The following CARMIL3 variants were observed in gnomAD, a reference collection of about 807,000 sequenced individuals.
CARMIL3 encodes capping protein regulator and myosin 1 linker 3, also known as capping protein, Arp2/3 and myosin-I linker protein 3.
Under a neutral mutation model 180.8 loss-of-function variants are expected in CARMIL3, and 88 were observed. That is an observed-to-expected ratio of 0.49 (90% CI 0.41 to 0.58). CARMIL3 has a LOEUF of 0.58. Ranked by LOEUF, CARMIL3 falls within the 20% of genes least tolerant of loss-of-function variation. The probability of loss-of-function intolerance (pLI) is 0.00; values close to 1 mark genes in which losing one functional copy is unlikely to be tolerated. For missense variants in CARMIL3, 1,548 were observed against 1,787.0 expected, an observed-to-expected ratio of 0.87 and a Z score of 2.41; for synonymous variants, 696 against 714.5, an observed-to-expected ratio of 0.97 and a Z score of 0.41.
chr14:24,062,810 TGAG>T lies in CARMIL3; in HGVS notation c.2674_2676del (p.Glu892del). On this transcript the variant is annotated inframe_deletion, in exon 29 of 40. Coordinates refer to ENST00000342740, the MANE Select transcript of CARMIL3 (RefSeq NM_138360.4). ...GGGGCCGAGGCCGGAACCATGACCA[TGAG>T]GAGACCACAGATGATGAACTTGGGA... 1 of 1,613,214 alleles carries T rather than the reference TGAG, an allele frequency of 6.2e-7. No individual in the cohort carries two copies. The highest frequency in any genetic ancestry group is 8.5e-7 in the Non-Finnish European group (1 of 1,179,630).
chr14:24,069,365 T>C lies in CARMIL3; in HGVS notation c.4094-14T>C. On this transcript the variant is annotated splice_polypyrimidine_tract_variant and intron_variant, in intron 39 of 39. Transcript: ENST00000342740. Reference sequence around the variant, plus strand: ...TGCCCAGGAAACAGGGCTCCCTGGATTTGTCCCCAGCAGGAACCAGTGAGC... The same window carrying C: ...TGCCCAGGAAACAGGGCTCCCTGGACTTGTCCCCAGCAGGAACCAGTGAGC... 9 of 1,614,060 alleles carry C rather than the reference T, an allele frequency of 5.6e-6. No homozygotes were observed. The highest frequency in any genetic ancestry group is 7.6e-6 in the Non-Finnish European group (9 of 1,180,002).
chr14:24,054,591 C>A lies in CARMIL3; in HGVS notation c.362+80C>A. ...CCTTCCTCCTTCCCCTGGGCCAGGG[C>A]TGAGAAGGAGAGCTCTCATGTCCCC... On this transcript the variant is annotated intron_variant, in intron 5 of 39. Transcript: ENST00000342740. This position sits in a 1 kb window ranked among gnomAD's most constrained non-coding sequence, Gnocchi z 5.1. The A allele has an allele frequency of 6.6e-7, 1 of 1,517,562 alleles. No individual in the cohort carries two copies. 94.0% of individuals were successfully genotyped at this position (1,517,562 alleles called of 1,614,324 possible). A position where few individuals can be genotyped will look rare whatever the true frequency, so the allele number is the denominator to read the frequency against.
In CARMIL3 at chr14:24,060,535, T is replaced by TCGGCACCTCCACCA. The variant is rs910057448; in HGVS notation, c.2062-90_2062-89insCACCTCCACCACGG. The TCGGCACCTCCACCA allele has an allele frequency of 2.6e-6, 4 of 1,528,258 alleles. No homozygotes were observed. In the African/African-American group the frequency reaches 5.5e-5, roughly 21 times the overall value. 94.7% of individuals were successfully genotyped at this position (1,528,258 alleles called of 1,614,324 possible). On this transcript the variant is annotated intron_variant, in intron 24 of 39. Coordinates refer to ENST00000342740, the MANE Select transcript of CARMIL3 (RefSeq NM_138360.4). ...GCCAGAGACATCACCTCCACCACTG[T>TCGGCACCTCCACCA]CGGTGCCAGCACCAGTAGCACTGTC...
At position 24,056,978 on chromosome 14, in the gene CARMIL3, T is replaced by C. The variant is rs200000621; in HGVS notation, c.1016T>C (p.Leu339Pro). ...GCATTTGCCAGCTCCCTTCGATACCTGGACCTGAGCAAGAATCCTGGGCTC... is the reference window on the plus strand; with the variant it reads ...GCATTTGCCAGCTCCCTTCGATACCCGGACCTGAGCAAGAATCCTGGGCTC... ...NPAFASSLRYLDLSKNPGLLA... is the reference protein window; with the variant it reads ...NPAFASSLRYPDLSKNPGLLA... Residue 339 changes from leucine to proline, a missense_variant, in exon 13 of 40, where the codon CTG (leucine) becomes CCG (proline). By Grantham distance (98) the Leu-to-Pro change is moderately conservative. Transcript: ENST00000342740. The C allele has an allele frequency of 1.2e-6, 2 of 1,614,022 alleles. No homozygotes were observed. The highest frequency in any genetic ancestry group is 1.7e-5 in the Admixed American group (1 of 59,994).
chr14:24,061,910 T>C lies in CARMIL3; in HGVS notation c.2480+238T>C, dbSNP rs376999106. ...GTGCCCACACAGGTGTACACACACA[T>C]ACCCACACAAATACACCAGGAATGG... is the stretch of plus-strand genomic sequence containing the variant. On this transcript the variant is annotated intron_variant, in intron 27 of 39. Coordinates refer to ENST00000342740, the MANE Select transcript of CARMIL3 (RefSeq NM_138360.4). The surrounding 1 kb of genome is among the most constrained non-coding windows in gnomAD (Gnocchi z 4.1). 1.4e-5 allele frequency: 7 copies of C among 495,146 alleles called. No homozygotes were observed. The highest frequency in any genetic ancestry group is 1.4e-4 in the African/African-American group (7 of 51,336). The allele number at this position is 495,146 out of a possible 1,614,324, so 30.7% of individuals were successfully genotyped here.
At chr14:24,063,575 T>C (rs774144037) in intron 31 of CARMIL3, 42 bp downstream of exon 31, 2 of 1,556,970 alleles carry the variant, frequency 1.3e-6, no homozygotes, top group South Asian at 1.2e-5. Context: ...CTTCACTCAG[T>C]GACACCAGAG....
In CARMIL3 at chr14:24,062,470, G is replaced by A. The variant is rs200726284; in HGVS notation, c.2481-10G>A. The A allele has an allele frequency of 1.2e-6, 2 of 1,613,610 alleles. No individual in the cohort carries two copies. The highest frequency in any genetic ancestry group is 1.3e-5 in the African/African-American group (1 of 75,028). On this transcript the variant is annotated splice_polypyrimidine_tract_variant and intron_variant, in intron 27 of 39. Transcript: ENST00000342740. ...GCTAATGTTCTGAGTAGCCCCACCT[G>A]TGCCCACAGTGAAGTGAAGCTCTCA...
Position 24,061,469 on chromosome 14 carries a change from C to T in CARMIL3, c.2305-28C>T. 6.2e-7 allele frequency: 1 copy of T among 1,601,190 alleles called. No individual in the cohort carries two copies. The highest frequency in any genetic ancestry group is 8.5e-7 in the Non-Finnish European group (1 of 1,172,910). On this transcript the variant is annotated intron_variant, in intron 26 of 39. Transcript: ENST00000342740. This position sits in a 1 kb window ranked among gnomAD's most constrained non-coding sequence, Gnocchi z 4.1. ...CAGCCCTGATCCTGTCCCCCTTGGG[C>T]CTCTGGCCTCCCTTTCCCCCATACT...
Position 24,062,840 on chromosome 14 carries a change from C to T in CARMIL3, c.2700C>T (p.Thr900=), listed in dbSNP as rs1260046719. 1.9e-6 allele frequency: 3 copies of T among 1,607,146 alleles called. No homozygotes were observed. The African/African-American group carries it at 4.0e-5, about 22-fold the overall frequency. The change falls in exon 29 of 40, where the codon ACC becomes ACT. Residue 900 remains threonine (T), a synonymous_variant. Coordinates refer to ENST00000342740, the MANE Select transcript of CARMIL3 (RefSeq NM_138360.4). ...HEETTDDELG[T]NIDTMAIKKQ... ...AGACCACAGATGATGAACTTGGGACCAACATTGTGAGCCCCCCGCTCCCTG... is the reference window on the plus strand; with the variant it reads ...AGACCACAGATGATGAACTTGGGACTAACATTGTGAGCCCCCCGCTCCCTG...
Position 24,069,534 on chromosome 14 carries a change from G to C in CARMIL3, c.*130G>C. 1 of 1,234,854 alleles carries C rather than the reference G, an allele frequency of 8.1e-7. No individual in the cohort carries two copies. The highest frequency in any genetic ancestry group is 1.4e-5 in the South Asian group (1 of 73,398). 76.5% of individuals were successfully genotyped at this position (1,234,854 alleles called of 1,614,324 possible). On this transcript the variant is annotated 3_prime_UTR_variant, in exon 40 of 40. Transcript: ENST00000342740. Reference sequence around the variant, plus strand: ...GGGGCAAGACGGCAGGACCAGGCATGGGGGAGCTGGAGGCAGGGACTAGAA... The same window carrying C: ...GGGGCAAGACGGCAGGACCAGGCATCGGGGAGCTGGAGGCAGGGACTAGAA...
rs1380971308 is a variant in CARMIL3 at position 24,061,961 on chromosome 14, G to A, written c.2480+289G>A. The A allele has an allele frequency of 2.6e-6, 1 of 387,286 alleles. No individual in the cohort carries two copies. Among genetic ancestry groups the A allele is most frequent in the Non-Finnish European group, 4.7e-6 (1 of 214,272 alleles). The allele number at this position is 387,286 out of a possible 1,614,324, so 24.0% of individuals were successfully genotyped here. On this transcript the variant is annotated intron_variant, in intron 27 of 39. Transcript: ENST00000342740. This position sits in a 1 kb window ranked among gnomAD's most constrained non-coding sequence, Gnocchi z 4.1. ...GATAGCAGGGCCTCCTCGGAGGCAT[G>A]GACAAAGAAAAGTACCTGAGTTGGG... is the stretch of plus-strand genomic sequence containing the variant.
chr14:24,055,683 AC>A lies in CARMIL3; in HGVS notation c.682-12del. On this transcript the variant is annotated splice_polypyrimidine_tract_variant and intron_variant, in intron 9 of 39. Transcript: ENST00000342740. ...GCCCCCCTTGGCCCCTGATCACAAG[AC>A]CCCCCTCTGTCCTCAGGGCTCTGAA... 1 of 1,613,274 alleles carries A rather than the reference AC, an allele frequency of 6.2e-7. No individual in the cohort carries two copies. Among genetic ancestry groups the A allele is most frequent in the Non-Finnish European group, 8.5e-7 (1 of 1,179,740 alleles).
At position 24,059,807 on chromosome 14, in the gene CARMIL3, G is replaced by A; in HGVS notation, c.1868+75G>A. The A allele has an allele frequency of 6.4e-7, 1 of 1,562,310 alleles. No homozygotes were observed. ...CCTGGATCAGGCCTGAACTACTCTT[G>A]CCCCACCCTAGCCCCTTTGACCTAT... On this transcript the variant is annotated intron_variant, in intron 22 of 39. Transcript: ENST00000342740. This position sits in a 1 kb window ranked among gnomAD's most constrained non-coding sequence, Gnocchi z 6.3.
chr14:24,063,432 G>A lies in CARMIL3; in HGVS notation c.2878G>A (p.Gly960Ser). The A allele has an allele frequency of 6.2e-7, 1 of 1,613,914 alleles. No homozygotes were observed. Among genetic ancestry groups the A allele is most frequent in the East Asian group, 2.2e-5 (1 of 44,868 alleles). ...GCCCACAGCTAGTGGCTCCTGGGAAGGTCTATCTGAGCTGCCCACTCATGG... is the reference window on the plus strand; with the variant it reads ...GCCCACAGCTAGTGGCTCCTGGGAAAGTCTATCTGAGCTGCCCACTCATGG... ...SQPTASGSWE[G>S]LSELPTHGYK... The change falls in exon 31 of 40, where the codon GGT becomes AGT. Residue 960 changes from glycine to serine, a missense_variant. Transcript: ENST00000342740.
rs374935836 is a variant in CARMIL3 at position 24,056,399 on chromosome 14, C to A, written c.865+6C>A. The A allele has an allele frequency of 1.9e-6, 3 of 1,610,858 alleles. No individual in the cohort carries two copies. The African/African-American group carries it at 4.0e-5, about 22-fold the overall frequency. ...CAACCCCATCGAGGACAAGGGTGAG[C>A]CCCAGCCCTGAATCCTGTCCCCATC... On this transcript the variant is annotated splice_donor_region_variant and intron_variant, in intron 11 of 39. Coordinates refer to ENST00000342740, the MANE Select transcript of CARMIL3 (RefSeq NM_138360.4).
At position 24,065,246 on chromosome 14, in the gene CARMIL3, C is replaced by A; in HGVS notation, c.3369C>A (p.Gly1123=). The change falls in exon 33 of 40, where the codon GGC becomes GGA. Residue 1123 remains glycine (G), a synonymous_variant. Transcript: ENST00000342740. ...ESSLLPGFGG[G]RGPSFRRKMG... ...GCCTCCTCCCTGGATTTGGTGGGGG[C>A]CGGGGACCTTCCTTCCGCCGGAAGA... 1.3e-6 allele frequency: 2 copies of A among 1,544,776 alleles called. No homozygotes were observed. The highest frequency in any genetic ancestry group is 2.0e-4 in the Middle Eastern group (1 of 5,036).
rs948600044 is a variant in CARMIL3 at position 24,053,881 on chromosome 14, G to A, written c.135+78G>A. ...GCCAGTAGAGGGCAGGGAGCCGGGA[G>A]GACAGAAGAGACAGAAGTGGGTGGA... is the stretch of plus-strand genomic sequence containing the variant. On this transcript the variant is annotated intron_variant, in intron 2 of 39. Coordinates refer to ENST00000342740, the MANE Select transcript of CARMIL3 (RefSeq NM_138360.4). The A allele has an allele frequency of 2.5e-5, 33 of 1,338,038 alleles. No homozygotes were observed. In the Admixed American group the frequency reaches 6.5e-4, roughly 26 times the overall value. The allele number at this position is 1,338,038 out of a possible 1,614,324, so 82.9% of individuals were successfully genotyped here.
In CARMIL3 at chr14:24,069,265, G is replaced by A. The variant is rs748897184; in HGVS notation, c.4093+18G>A. Reference sequence around the variant, plus strand: ...CCCCACAGGTGCTGGTGGTGAGAGGGCAGGTCCCCCCTTCCCACCTATCTG... The same window carrying A: ...CCCCACAGGTGCTGGTGGTGAGAGGACAGGTCCCCCCTTCCCACCTATCTG... On this transcript the variant is annotated intron_variant, in intron 39 of 39. Coordinates refer to ENST00000342740, the MANE Select transcript of CARMIL3 (RefSeq NM_138360.4). The A allele has an allele frequency of 6.2e-7, 1 of 1,613,544 alleles. No individual in the cohort carries two copies.
rs757996744 is a variant in CARMIL3, at chr14:24,065,266, G to C, written c.3389G>C (p.Arg1130Pro). 5 of 1,532,650 alleles carry C rather than the reference G, an allele frequency of 3.3e-6. No homozygotes were observed. Among genetic ancestry groups the C allele is most frequent in the Non-Finnish European group, 2.6e-6 (3 of 1,148,056 alleles). The allele number at this position is 1,532,650 out of a possible 1,614,324, so 94.9% of individuals were successfully genotyped here. The change falls in exon 33 of 40, where the codon CGG becomes CCG. Residue 1130 changes from arginine (R) to proline (P), a missense_variant. Physicochemically the swap from Arg to Pro is moderately radical, Grantham distance 103. Transcript: ENST00000342740. ...FGGGRGPSFR[R>P]KMGTEGSEPG... ...GGGGGCCGGGGACCTTCCTTCCGCC[G>C]GAAGATGGTAAGTGAGGCAGGGGGT...
Sources: gnomAD v4.1 joint callset for allele counts on GRCh38, gnomAD v4.1.1 for gene constraint, Gnocchi (gnomAD v3.1) non-coding constraint, MANE v1.5 for transcripts, NCBI Gene and HGNC (gene_info 2026-07-23, HGNC 2026-07-21) for gene names.